Variants in SRGAP3 observed in about 807,000 individuals in gnomAD.
The protein encoded by SRGAP3 is SLIT-ROBO Rho GTPase activating protein 3.
In SRGAP3, 39 loss-of-function variants were observed where a neutral mutation model predicts 121.1. That is an observed-to-expected ratio of 0.32 (90% CI 0.25 to 0.42). The LOEUF (loss-of-function observed/expected upper bound fraction) is 0.42. SRGAP3 is among the 10% of genes least tolerant of loss of function. The pLI is 1.00. For missense variants in SRGAP3, 1,213 were observed against 1,470.6 expected (o/e 0.82, Z 2.86); for synonymous variants, 601 against 570.0 (o/e 1.05, Z -0.77).
At chr3:9,343,393 C>T (rs764518148) in intron 1 of SRGAP3, among the ~76,000 whole-genome samples, 3 of 152,168 alleles carry the variant, frequency 2.0e-5, no homozygotes, top group South Asian at 2.1e-4. Context: ...ACTTACATTG[C>T]CTTTTTCCCG....
chr3:9,344,713 C>A (rs1290381860), intron 1 of SRGAP3, among the ~76,000 whole-genome samples: 1 of 151,956 alleles, frequency 6.6e-6, no homozygotes, highest in Non-Finnish European at 1.5e-5. Context: ...TTTAACCAAC[C>A]CCCTACTACC....
intron 3 of SRGAP3, among the ~76,000 whole-genome samples, chr3:9,275,847 C>T (rs1296586199): frequency 6.6e-6 from 1 of 152,106 alleles, no homozygotes; most frequent in Non-Finnish European, 1.5e-5. Flanking sequence ...AACCCACCTC[C>T]ACAGGTCTCC....
chr3:9,053,230 G>T lies in SRGAP3; in HGVS notation c.1126-6C>A. ...GCATCCAGGGTTTTCCTAACCTGGG[G>T]AAACACAGCAGATTGACAAAAATCC... On this transcript the variant is annotated splice_polypyrimidine_tract_variant and splice_region_variant and intron_variant, in intron 8 of 21. Transcript: ENST00000383836. The T allele has an allele frequency of 5.0e-6, 8 of 1,613,088 alleles. No individual in the cohort carries two copies. The highest frequency in any genetic ancestry group is 6.8e-6 in the Non-Finnish European group (8 of 1,179,514).
chr3:9,136,354 T>TCAGCCGCCGCGCGCCGTTGC (rs1237951064), intron 1 of SRGAP3, among the ~76,000 whole-genome samples: 1 of 148,964 alleles, frequency 6.7e-6, no homozygotes, highest in African/African-American at 2.5e-5. Flanking sequence ...CGGGCCGGGG[T>TCAGCCGCCGCGCGCCGTTGC]CAGCCGCCGC....
Position 9,188,116 on chromosome 3 carries a change from T to C in SRGAP3, c.67+60769A>G, listed in dbSNP as rs566067026. Among the ~76,000 whole-genome samples, 47 of 152,304 alleles carry C rather than the reference T, an allele frequency of 3.1e-4. 2 individuals carry two copies. The South Asian group carries it at 9.1e-3, about 30-fold the overall frequency. ...TAGCTGTACCCTTACCAAACGTGCA[T>C]TTTTCTATGTGTACATTATACTTCA... On this transcript the variant is annotated intron_variant, in intron 1 of 21. Coordinates refer to ENST00000383836, the MANE Select transcript of SRGAP3 (RefSeq NM_014850.4).
At chr3:9,079,123 A>T (rs1947118558) in intron 4 of SRGAP3, among the ~76,000 whole-genome samples, 1 of 152,200 alleles carries the variant, frequency 6.6e-6, no homozygotes, top group Admixed American at 6.5e-5. Context: ...CCCTCATACC[A>T]GGGATTTTCA....
At chr3:9,031,653 G>T (rs193158336) in intron 12 of SRGAP3, among the ~76,000 whole-genome samples, 365 of 152,244 alleles carry the variant, frequency 2.4e-3, no homozygotes, top group Non-Finnish European at 4.5e-3. Flanking sequence ...CCAGTCTTTT[G>T]CTGTCCTGCA....
intron 14 of SRGAP3, among the ~76,000 whole-genome samples, chr3:9,023,941 G>A (rs1024061418): frequency 1.3e-5 from 2 of 152,216 alleles, no homozygotes; most frequent in African/African-American, 4.8e-5. Flanking sequence ...GTGCCTGGGG[G>A]CCGTGGCAGT....
At chr3:9,177,090 G>A (rs1397024783) in intron 1 of SRGAP3, among the ~76,000 whole-genome samples, 3 of 152,190 alleles carry the variant, frequency 2.0e-5, no homozygotes, top group African/African-American at 7.2e-5. Flanking sequence ...CTCTAGGGAA[G>A]TGTATGCAAC....
rs925126344 is a variant in SRGAP3, at chr3:9,149,596, T to C, written c.68-24679A>G. 8.5e-5 allele frequency among the ~76,000 whole-genome samples: 13 copies of C among 152,326 alleles called. No individual in the cohort carries two copies. The East Asian group carries it at 2.3e-3, about 27-fold the overall frequency. The stretch of plus-strand genomic sequence containing the variant: ...ATGCCTTGAGTGTCTCTGTTTGCTC[T>C]TGCACCCCTGCCATCACCAGCAGCA... On this transcript the variant is annotated intron_variant, in intron 1 of 21. Coordinates refer to ENST00000383836, the MANE Select transcript of SRGAP3 (RefSeq NM_014850.4).
chr3:9,184,979 C>G (rs1027269854), intron 1 of SRGAP3, among the ~76,000 whole-genome samples: 4 of 152,140 alleles, frequency 2.6e-5, no homozygotes, highest in Non-Finnish European at 5.9e-5. Flanking sequence ...TGGTCATCTC[C>G]CTAGTATACC....
chr3:9,354,827 C>T (rs956915504), intron 1 of SRGAP3, among the ~76,000 whole-genome samples: 7 of 152,034 alleles, frequency 4.6e-5, no homozygotes, highest in African/African-American at 7.2e-5. Flanking sequence ...TAATCATATG[C>T]TTGTTTACTC....
At chr3:9,060,105 G>A (rs1396380176) in intron 6 of SRGAP3, 126 bp downstream of exon 6, 1 of 1,465,150 alleles carries the variant, frequency 6.8e-7, no homozygotes, top group Non-Finnish European at 9.5e-7. Flanking sequence ...CTCCAGCAGG[G>A]CTCAAAAGAG....
At chr3:9,299,081 G>T (rs1383696334) in intron 3 of SRGAP3, among the ~76,000 whole-genome samples, 1 of 142,830 alleles carries the variant, frequency 7.0e-6, no homozygotes, top group East Asian at 2.2e-4. Context: ...GAAAATAGAT[G>T]GCTGGGCATG....
intron 8 of SRGAP3, 24 bp downstream of exon 8, chr3:9,056,209 T>C (rs748150350): frequency 1.2e-6 from 2 of 1,612,162 alleles, no homozygotes; most frequent in African/African-American, 1.3e-5. Context: ...GAAAATCCCT[T>C]ATAGGGCAGA....
chr3:9,306,492 G>A (rs1300427601), intron 3 of SRGAP3, among the ~76,000 whole-genome samples: 1 of 152,154 alleles, frequency 6.6e-6, no homozygotes, highest in Non-Finnish European at 1.5e-5. Context: ...CCTTGCCCAT[G>A]CCTATGTCCT....
intron 3 of SRGAP3, among the ~76,000 whole-genome samples, chr3:9,311,087 T>C (rs1294016512): frequency 1.3e-5 from 2 of 151,896 alleles, no homozygotes; most frequent in Admixed American, 6.6e-5. Flanking sequence ...GGAGAATCTC[T>C]TGAACCCAGG....
chr3:9,040,525 T>C (rs1944964752), intron 10 of SRGAP3, among the ~76,000 whole-genome samples: 1 of 151,988 alleles, frequency 6.6e-6, no homozygotes, highest in African/African-American at 2.4e-5. Flanking sequence ...AAGCTTCCTC[T>C]ATCTTTATTA....
chr3:9,281,294 G>A (rs1954672138), intron 3 of SRGAP3, among the ~76,000 whole-genome samples: 1 of 152,168 alleles, frequency 6.6e-6, no homozygotes, highest in South Asian at 2.1e-4. Flanking sequence ...CTGCATACAG[G>A]GCTGAGGACT....
Sources: allele counts gnomAD v4.1 joint callset (sites outside exome capture counted in the v4.1 genomes callset), GRCh38; gene constraint gnomAD v4.1.1; transcripts MANE v1.5; gene names NCBI Gene and HGNC (gene_info 2026-07-23, HGNC 2026-07-21).